The following CLSTN2 variants were observed in gnomAD, a reference collection of about 807,000 sequenced individuals.
CLSTN2 encodes calsyntenin-2.
Under a neutral mutation model 101.2 loss-of-function variants are expected in CLSTN2, and 48 were observed. The observed-to-expected ratio is 0.47, with a 90% CI of 0.38 to 0.60. The LOEUF is 0.60. CLSTN2 is among the 20% of genes least tolerant of loss of function. The pLI is 0.00. For missense variants in CLSTN2, 1,160 were observed against 1,238.2 expected (o/e 0.94, Z 0.95); for synonymous variants, 481 against 463.6 (o/e 1.04, Z -0.48).
intron 1 of CLSTN2, among the ~76,000 whole-genome samples, chr3:140,008,735 T>C (rs2007011771): frequency 6.6e-6 from 1 of 152,220 alleles, no homozygotes; most frequent in African/African-American, 2.4e-5. Context: ...CAGAAGGCCA[T>C]CAAAGAGTCA....
At chr3:140,265,420 G>A (rs367810365) in intron 2 of CLSTN2, among the ~76,000 whole-genome samples, 1 of 152,240 alleles carries the variant, frequency 6.6e-6, no homozygotes, top group African/African-American at 2.4e-5. Flanking sequence ...AGGAGAGAAG[G>A]CTCAGAGACT....
At chr3:140,160,020 G>A (rs536863871) in intron 1 of CLSTN2, among the ~76,000 whole-genome samples, 8 of 152,136 alleles carry the variant, frequency 5.3e-5, no homozygotes, top group African/African-American at 1.9e-4. Context: ...GGGGAAAGTA[G>A]CATGGGGAGA....
chr3:140,090,858 G>A (rs909400326), intron 1 of CLSTN2, among the ~76,000 whole-genome samples: 2 of 152,244 alleles, frequency 1.3e-5, no homozygotes, highest in Admixed American at 6.5e-5. Flanking sequence ...GGTACTACTG[G>A]TCAGGGGGTC....
intron 8 of CLSTN2, among the ~76,000 whole-genome samples, chr3:140,521,458 G>C (rs1935024727): frequency 6.6e-6 from 1 of 151,390 alleles, no homozygotes; most frequent in Non-Finnish European, 1.5e-5. Context: ...ACCAGTGAAG[G>C]CTGAGAAACA....
chr3:140,116,323 T>C (rs2009241726), intron 1 of CLSTN2, among the ~76,000 whole-genome samples: 1 of 152,192 alleles, frequency 6.6e-6, no homozygotes, highest in Non-Finnish European at 1.5e-5. Context: ...TAAAAGTAAA[T>C]ATGGTGAAAT....
At chr3:140,485,798 A>T (rs914106099) in intron 8 of CLSTN2, among the ~76,000 whole-genome samples, 5 of 152,040 alleles carry the variant, frequency 3.3e-5, no homozygotes, top group Non-Finnish European at 4.4e-5. Context: ...TGCTAAGACC[A>T]TTGGAAAAGC....
intron 1 of CLSTN2, among the ~76,000 whole-genome samples, chr3:140,065,211 A>G (rs2008278833): frequency 6.6e-6 from 1 of 152,236 alleles, no homozygotes; most frequent in South Asian, 2.1e-4. Context: ...TTCACCTGCA[A>G]GGGCAGGTGT....
chr3:140,135,105 C>CATATAT (rs2009589677), intron 1 of CLSTN2, among the ~76,000 whole-genome samples: 2 of 53,296 alleles, frequency 3.8e-5, no homozygotes, highest in African/African-American at 1.8e-4. Context: ...CACACACACA[C>CATATAT]ACACACACAC....
intron 9 of CLSTN2, among the ~76,000 whole-genome samples, chr3:140,533,341 T>G (rs1935296792): frequency 6.6e-6 from 1 of 152,158 alleles, no homozygotes. Context: ...TGTTGATGGA[T>G]TCTGTGAAAA....
At chr3:140,209,710 A>AC (rs1345024115) in intron 2 of CLSTN2, among the ~76,000 whole-genome samples, 2 of 151,656 alleles carry the variant, frequency 1.3e-5, no homozygotes, top group Non-Finnish European at 2.9e-5. Flanking sequence ...GAAAAGTTAC[A>AC]CCCCCCTGTA....
At chr3:140,426,189 G>A (rs1483896022) in intron 5 of CLSTN2, among the ~76,000 whole-genome samples, 1 of 152,130 alleles carries the variant, frequency 6.6e-6, no homozygotes, top group African/African-American at 2.4e-5. Context: ...ATAGGTAAAT[G>A]TGTGCCGTGG....
At chr3:140,097,147 C>T (rs917077061) in intron 1 of CLSTN2, among the ~76,000 whole-genome samples, 4 of 152,106 alleles carry the variant, frequency 2.6e-5, no homozygotes, top group African/African-American at 9.7e-5. Context: ...GATAATGTGC[C>T]AGGGGCTTTA....
At chr3:140,464,284 G>A (rs973116783) in intron 7 of CLSTN2, among the ~76,000 whole-genome samples, 44 of 152,310 alleles carry the variant, frequency 2.9e-4, no homozygotes, top group African/African-American at 1.0e-3. Flanking sequence ...CAAGCCACGG[G>A]TAAAGACTGA....
At chr3:140,253,553 C>A (rs1386523991) in intron 2 of CLSTN2, among the ~76,000 whole-genome samples, 1 of 152,104 alleles carries the variant, frequency 6.6e-6, no homozygotes, top group Non-Finnish European at 1.5e-5. Flanking sequence ...GAGCACAGGC[C>A]CCTGACATGT....
chr3:140,106,604 G>A (rs1325303183), intron 1 of CLSTN2, among the ~76,000 whole-genome samples: 1 of 152,184 alleles, frequency 6.6e-6, no homozygotes, highest in Non-Finnish European at 1.5e-5. Flanking sequence ...CAGAAGACAA[G>A]GTTCCTCTCC....
At chr3:140,327,536 A>G (rs1326368429) in intron 2 of CLSTN2, among the ~76,000 whole-genome samples, 1 of 152,190 alleles carries the variant, frequency 6.6e-6, no homozygotes, top group Non-Finnish European at 1.5e-5. Flanking sequence ...CAAACTTTAG[A>G]AAGGGAATTG....
chr3:140,490,362 G>C (rs1165444977), intron 8 of CLSTN2, among the ~76,000 whole-genome samples: 1 of 150,924 alleles, frequency 6.6e-6, no homozygotes, highest in Non-Finnish European at 1.5e-5. Flanking sequence ...CTCCATGCTA[G>C]ACACATCCCC....
At chr3:140,490,596 G>GAAAAAAAAAAAAAAAAAA (rs71149081) in intron 8 of CLSTN2, among the ~76,000 whole-genome samples, 1 of 90,116 alleles carries the variant, frequency 1.1e-5, no homozygotes, top group Non-Finnish European at 2.1e-5. Context: ...CCTTGTCTCA[G>GAAAAAAAAAAAAAAAAAA]AAAAAAAAAA....
At position 139,961,592 on chromosome 3, in the gene CLSTN2, G is replaced by A. The variant is rs148534470; in HGVS notation, c.109+26109G>A. ...GAACATGGGTTCACATTATAGGGTG[G>A]CACTTTGCAGAGAAGACATTTCTAC... On this transcript the variant is annotated intron_variant, in intron 1 of 16. Transcript: ENST00000458420. Among the ~76,000 whole-genome samples the A allele has an allele frequency of 4.9e-3, 748 of 152,302 alleles. 2 individuals carry two copies. Among genetic ancestry groups the A allele is most frequent in the Admixed American group, 0.01 (154 of 15,290 alleles).
Sources: allele counts gnomAD v4.1 joint callset (sites outside exome capture counted in the v4.1 genomes callset), GRCh38; gene constraint gnomAD v4.1.1; transcripts MANE v1.5; gene names NCBI Gene and HGNC (gene_info 2026-07-23, HGNC 2026-07-21).